MTSS1: variants seen among roughly 807,000 people sequenced by gnomAD.
The protein encoded by MTSS1 is protein MTSS 1.
Under a neutral mutation model 79.0 loss-of-function variants are expected in MTSS1, and 18 were observed. The ratio of observed to expected loss-of-function variants is 0.23; its 90% CI spans 0.16 to 0.34. The LOEUF (loss-of-function observed/expected upper bound fraction) is 0.34. Ranked by LOEUF, MTSS1 falls within the 10% of genes least tolerant of loss-of-function variation. The pLI is 1.00. For synonymous variants in MTSS1, 341 were observed against 368.6 expected (o/e 0.93, Z 0.86); for missense variants, 815 against 986.2 (o/e 0.83, Z 2.33).
Position 124,649,388 on chromosome 8 carries a change from C to G in MTSS1, c.208+50138G>C, listed in dbSNP as rs549550305. 7.2e-4 allele frequency among the ~76,000 whole-genome samples: 109 copies of G among 152,142 alleles called. 1 individual carries two copies. Among genetic ancestry groups the G allele is most frequent in the Non-Finnish European group, 2.5e-4 (17 of 68,032 alleles). ...GGAAGCAGCCCTTCCCTGAACAAACCCCCAGCACAGAGCAGCGATGGAGTC... is the reference window on the plus strand; with the variant it reads ...GGAAGCAGCCCTTCCCTGAACAAACGCCCAGCACAGAGCAGCGATGGAGTC... On this transcript the variant is annotated intron_variant, in intron 3 of 13. Transcript: ENST00000518547.
At position 124,680,712 on chromosome 8, in the gene MTSS1, C is replaced by T. The variant is rs888404569; in HGVS notation, c.208+18814G>A. ...TACCAATGGACTCTAAATAGAGAAA[C>T]TTAACAACCTATTACATGTGTCAGA... On this transcript the variant is annotated intron_variant, in intron 3 of 13. Coordinates refer to ENST00000518547, the MANE Select transcript of MTSS1 (RefSeq NM_014751.6). Among the ~76,000 whole-genome samples the T allele has an allele frequency of 7.9e-5, 12 of 152,290 alleles. No individual in the cohort carries two copies. In the South Asian group the frequency reaches 2.3e-3, roughly 29 times the overall value.
chr8:124,606,171 G>GTTTTTTTTTTT (rs11351219), intron 3 of MTSS1, among the ~76,000 whole-genome samples: 1 of 88,894 alleles, frequency 1.1e-5, no homozygotes, highest in African/African-American at 4.4e-5. Flanking sequence ...TTGGTTTTTT[G>GTTTTTTTTTTT]TTTTTTTTTT....
At chr8:124,632,952 G>A (rs1816278774) in intron 3 of MTSS1, among the ~76,000 whole-genome samples, 1 of 152,100 alleles carries the variant, frequency 6.6e-6, no homozygotes, top group Non-Finnish European at 1.5e-5. Context: ...ACAGGCATGA[G>A]CCACCACACC....
chr8:124,551,242 A>G lies in MTSS1; in HGVS notation c.*1750T>C, dbSNP rs1054480360. The G allele has an allele frequency of 1.3e-5, 2 of 152,688 alleles. No individual in the cohort carries two copies. Among genetic ancestry groups the G allele is most frequent in the African/African-American group, 2.4e-5 (1 of 41,468 alleles). 9.5% of individuals were successfully genotyped at this position (152,688 alleles called of 1,614,324 possible). A position where few individuals can be genotyped will look rare whatever the true frequency, so the allele number is the denominator to read the frequency against. On this transcript the variant is annotated 3_prime_UTR_variant, in exon 14 of 14. Transcript: ENST00000518547. Reference sequence around the variant, plus strand: ...ATCTCAAGCATCATATGCACAATGCATCAGCTACTTTTAGTCATCAAGATT... The same window carrying G: ...ATCTCAAGCATCATATGCACAATGCGTCAGCTACTTTTAGTCATCAAGATT...
chr8:124,614,163 CAAAAA>C lies in MTSS1; in HGVS notation c.209-22933_209-22929del, dbSNP rs3050528. Among the ~76,000 whole-genome samples, 189 of 92,428 alleles carry C rather than the reference CAAAAA, an allele frequency of 2.0e-3. 2 individuals are homozygous for C. The highest frequency in any genetic ancestry group is 5.4e-3 in the African/African-American group (154 of 28,288). The allele number at this position is 92,428 out of a possible 152,430, so 60.6% of individuals were successfully genotyped here. A position where few individuals can be genotyped will look rare whatever the true frequency, so the allele number is the denominator to read the frequency against. On this transcript the variant is annotated intron_variant, in intron 3 of 13. Coordinates refer to ENST00000518547, the MANE Select transcript of MTSS1 (RefSeq NM_014751.6). ...TGGGCGACAGAGCAAATACCTGCCT[CAAAAA>C]AAAAAAAAAAAAAAAAGGGTAGGAA...
chr8:124,634,620 A>C (rs1428559407), intron 3 of MTSS1, among the ~76,000 whole-genome samples: 1 of 151,988 alleles, frequency 6.6e-6, no homozygotes, highest in African/African-American at 2.4e-5. Flanking sequence ...ACAGGGAAAT[A>C]CTCATCTCAT....
chr8:124,721,266 G>A (rs907617436), intron 1 of MTSS1, among the ~76,000 whole-genome samples: 2 of 151,922 alleles, frequency 1.3e-5, no homozygotes, highest in Non-Finnish European at 2.9e-5. Context: ...CACGTGGCTA[G>A]TGGCTCACGT....
At chr8:124,578,960 A>C (rs1199466775) in intron 6 of MTSS1, among the ~76,000 whole-genome samples, 2 of 152,208 alleles carry the variant, frequency 1.3e-5, no homozygotes, top group African/African-American at 4.8e-5. Flanking sequence ...TATGAGAGCT[A>C]CAAATCATAT....
At chr8:124,563,262 T>TG in intron 9 of MTSS1, 1 of 477,172 alleles carries the variant, frequency 2.1e-6, no homozygotes, top group Non-Finnish European at 3.8e-6. Context: ...GGTAACCATG[T>TG]GGCATTCTTA....
chr8:124,716,235 C>T (rs59108376), intron 1 of MTSS1, among the ~76,000 whole-genome samples: 12,271 of 152,114 alleles, frequency 0.081, 611 homozygotes, highest in Non-Finnish European at 0.11. Flanking sequence ...TGCCTCACCT[C>T]GGTCTCAGAG....
rs367883784 is a variant in MTSS1 at position 124,667,272 on chromosome 8, G to A, written c.208+32254C>T. 7.9e-5 allele frequency among the ~76,000 whole-genome samples: 12 copies of A among 152,256 alleles called. No individual in the cohort carries two copies. The East Asian group carries it at 1.5e-3, about 20-fold the overall frequency. ...CCTCTCAGGGCAACTGTGAAAGCGC[G>A]ACATGTTTCTGAGAGAAGGCCAAGA... On this transcript the variant is annotated intron_variant, in intron 3 of 13. Transcript: ENST00000518547.
chr8:124,686,019 C>A (rs530371935), intron 3 of MTSS1, among the ~76,000 whole-genome samples: 2 of 152,354 alleles, frequency 1.3e-5, no homozygotes, highest in South Asian at 4.1e-4. Flanking sequence ...CCTCTCATCA[C>A]AGCTGCCTGG....
At chr8:124,556,818 GC>G (rs1823925682) in intron 11 of MTSS1, among the ~76,000 whole-genome samples, 1 of 152,218 alleles carries the variant, frequency 6.6e-6, no homozygotes, top group African/African-American at 2.4e-5. Context: ...GAGCACTAAA[GC>G]AACATCAGCC....
chr8:124,591,787 C>CT lies in MTSS1; in HGVS notation c.209-553dup, dbSNP rs1036980446. 3.4e-3 allele frequency among the ~76,000 whole-genome samples: 500 copies of CT among 146,710 alleles called. 3 individuals carry two copies. Among genetic ancestry groups the CT allele is most frequent in the Middle Eastern group, 0.018 (5 of 284 alleles). ...GCTAAAGCAAAATGAGGTAATAGGA[C>CT]TTTTTTTTTTTGAGATGGAATCTTG... On this transcript the variant is annotated intron_variant, in intron 3 of 13. Coordinates refer to ENST00000518547, the MANE Select transcript of MTSS1 (RefSeq NM_014751.6).
chr8:124,705,092 C>T (rs933484256), intron 1 of MTSS1, among the ~76,000 whole-genome samples: 3 of 152,096 alleles, frequency 2.0e-5, no homozygotes, highest in Admixed American at 6.6e-5. Context: ...ATCACACAGC[C>T]CACCAACCAA....
At chr8:124,665,071 A>T (rs1822802658) in intron 3 of MTSS1, among the ~76,000 whole-genome samples, 1 of 152,202 alleles carries the variant, frequency 6.6e-6, no homozygotes, top group South Asian at 2.1e-4. Flanking sequence ...CATCTTATTC[A>T]TATGAACACT....
intron 3 of MTSS1, among the ~76,000 whole-genome samples, chr8:124,601,204 G>A (rs535724474): frequency 1.3e-5 from 2 of 151,752 alleles, no homozygotes; most frequent in East Asian, 3.9e-4. Context: ...GAGATTATAG[G>A]CGCCCACCAC....
chr8:124,672,868 C>T (rs999781939), intron 3 of MTSS1, among the ~76,000 whole-genome samples: 2 of 151,246 alleles, frequency 1.3e-5, no homozygotes, highest in Admixed American at 6.6e-5. Context: ...TATGCACACA[C>T]ACACATGCAT....
intron 10 of MTSS1, among the ~76,000 whole-genome samples, chr8:124,559,157 C>T (rs546371571): frequency 4.6e-5 from 7 of 152,250 alleles, no homozygotes; most frequent in Middle Eastern, 6.8e-3. Flanking sequence ...TGCCTGGCAC[C>T]GAAATATCTG....
Sources: gnomAD v4.1 joint callset for allele counts (sites outside exome capture counted in the v4.1 genomes callset) on GRCh38, gnomAD v4.1.1 for gene constraint, MANE v1.5 for transcripts, NCBI Gene and HGNC (gene_info 2026-07-23, HGNC 2026-07-21) for gene names.